NOSTRIN: variants seen among roughly 807,000 people sequenced by gnomAD.
The protein encoded by NOSTRIN is BM247 homolog.
A neutral mutation model predicts 59.0 loss-of-function variants in NOSTRIN; 63 were observed. The ratio of observed to expected loss-of-function variants is 1.07; its 90% confidence interval spans 0.87 to 1.32. The LOEUF is 1.32. NOSTRIN is among the 40% of genes most tolerant of loss of function. The probability of loss-of-function intolerance (pLI) is 0.00; values close to 1 mark genes in which losing one functional copy is unlikely to be tolerated. For synonymous variants in NOSTRIN, 200 were observed against 165.4 expected (o/e 1.21, Z -1.61); for missense variants, 512 against 473.1 (o/e 1.08, Z -0.76).
chr2:168,848,806 T>C (rs62175726), intron 8 of NOSTRIN, among the ~76,000 whole-genome samples: 18,434 of 152,024 alleles, frequency 0.12, 2,296 homozygotes, highest in African/African-American at 0.32. Context: ...GAGAAGTCGT[T>C]GTTTCATGGG....
At chr2:168,853,312 T>G (rs377604945) in intron 10 of NOSTRIN, among the ~76,000 whole-genome samples, 8 of 152,234 alleles carry the variant, frequency 5.3e-5, no homozygotes, top group African/African-American at 1.9e-4. Context: ...GAAATTTACA[T>G]GGACCAGGGA....
intron 2 of NOSTRIN, among the ~76,000 whole-genome samples, chr2:168,791,127 T>A (rs1050964251): frequency 6.6e-6 from 1 of 152,320 alleles, no homozygotes; most frequent in East Asian, 1.9e-4. Flanking sequence ...TATCTCCTAA[T>A]GCTATCCCTC....
chr2:168,803,365 A>G (rs2105517000), intron 1 of NOSTRIN, among the ~76,000 whole-genome samples: 1 of 152,318 alleles, frequency 6.6e-6, no homozygotes, highest in East Asian at 1.9e-4. Flanking sequence ...AAAATAAAGT[A>G]ATTAAGGAGG....
intron 1 of NOSTRIN, among the ~76,000 whole-genome samples, chr2:168,804,356 C>A (rs996264772): frequency 6.6e-6 from 1 of 152,110 alleles, no homozygotes; most frequent in Admixed American, 6.6e-5. Context: ...CAAAAGTATC[C>A]GGGAGTCATG....
chr2:168,831,998 C>T (rs1372941295), intron 6 of NOSTRIN, among the ~76,000 whole-genome samples: 1 of 152,120 alleles, frequency 6.6e-6, no homozygotes, highest in Non-Finnish European at 1.5e-5. Context: ...ATATGATAAA[C>T]ACCACCTGGG....
chr2:168,851,183 G>T lies in NOSTRIN; in HGVS notation c.729+1G>T, dbSNP rs1317642830. On this transcript the variant is annotated splice_donor_variant, in intron 9 of 15. Transcript: ENST00000317647. LOFTEE classifies it high-confidence loss of function. ...TCTTTTTGGCCAAACCCTGACCACA[G>T]TGAGTAGAGATGATCTCTCCATTTC... 1.9e-6 allele frequency: 3 copies of T among 1,614,166 alleles called. No individual in the cohort carries two copies. The highest frequency in any genetic ancestry group is 2.5e-6 in the Non-Finnish European group (3 of 1,179,980).
chr2:168,838,789 CTTTT>C (rs71003059), intron 7 of NOSTRIN, among the ~76,000 whole-genome samples: 1 of 136,292 alleles, frequency 7.3e-6, no homozygotes, highest in Non-Finnish European at 1.5e-5. Context: ...AAAAAAAACT[CTTTT>C]TTTTTTTTTT....
intron 6 of NOSTRIN, among the ~76,000 whole-genome samples, chr2:168,832,105 G>A (rs1389328308): frequency 2.6e-5 from 4 of 152,184 alleles, no homozygotes; most frequent in African/African-American, 7.2e-5. Context: ...AAAAGGGGAT[G>A]CGTATATCAA....
intron 7 of NOSTRIN, among the ~76,000 whole-genome samples, chr2:168,842,061 G>C (rs994301745): frequency 6.6e-6 from 1 of 152,158 alleles, no homozygotes. Flanking sequence ...AGACAAGGTA[G>C]GTCAGATAAT....
chr2:168,835,954 T>C (rs1574299864), intron 7 of NOSTRIN, among the ~76,000 whole-genome samples: 1 of 152,318 alleles, frequency 6.6e-6, no homozygotes, highest in African/African-American at 2.4e-5. Flanking sequence ...ACCTTTGAAA[T>C]AGTCGATATC....
At chr2:168,861,078 A>G (rs1689416242) in intron 14 of NOSTRIN, among the ~76,000 whole-genome samples, 169 bp downstream of exon 14, 1 of 152,228 alleles carries the variant, frequency 6.6e-6, no homozygotes, top group Admixed American at 6.5e-5. Context: ...TAAAAATGGG[A>G]AAAAGTTAAG....
In NOSTRIN at chr2:168,841,235, CAAAAAAAAAAAA is replaced by C. The variant is rs57480764; in HGVS notation, c.505-1742_505-1731del. On this transcript the variant is annotated intron_variant, in intron 7 of 15. Transcript: ENST00000317647. ...GGGTGACAGAGCCAGACCCTGTCTC[CAAAAAAAAAAAA>C]AAAAAAAAAAAAAAGAAAAGAAAAA... Among the ~76,000 whole-genome samples, 485 of 106,568 alleles carry C rather than the reference CAAAAAAAAAAAA, an allele frequency of 4.6e-3. 5 individuals carry two copies. The highest frequency in any genetic ancestry group is 0.011 in the African/African-American group (313 of 28,542). The allele number at this position is 106,568 out of a possible 152,430, so 69.9% of individuals were successfully genotyped here. A position where few individuals can be genotyped will look rare whatever the true frequency, so the allele number is the denominator to read the frequency against.
intron 2 of NOSTRIN, among the ~76,000 whole-genome samples, chr2:168,812,389 T>C (rs938127390): frequency 5.9e-5 from 9 of 152,202 alleles, no homozygotes; most frequent in Non-Finnish European, 1.3e-4. Flanking sequence ...CATGGATTGG[T>C]TGCATCCTGA....
At chr2:168,840,529 C>CAAAAAAAA (rs59235003) in intron 7 of NOSTRIN, among the ~76,000 whole-genome samples, 244 of 99,182 alleles carry the variant, frequency 2.5e-3, no homozygotes, top group Middle Eastern at 7.6e-3. Flanking sequence ...GACTCCATCT[C>CAAAAAAAA]AAAAAAAAAA....
chr2:168,792,689 C>T (rs569530759), intron 2 of NOSTRIN, among the ~76,000 whole-genome samples: 2 of 152,158 alleles, frequency 1.3e-5, no homozygotes, highest in South Asian at 2.1e-4. Flanking sequence ...CCATGTTGCT[C>T]AGGCTAGTCT....
rs144610736 is a variant in NOSTRIN at position 168,805,826 on chromosome 2, T to C, written c.27+3153T>C. Among the ~76,000 whole-genome samples, 132 of 152,284 alleles carry C rather than the reference T, an allele frequency of 8.7e-4. No individual in the cohort carries two copies. The Middle Eastern group carries it at 0.014, about 16-fold the overall frequency. On this transcript the variant is annotated intron_variant, in intron 1 of 15. Transcript: ENST00000317647. Reference sequence around the variant, plus strand: ...AACTCAGATGGTGCCGGTGCCATGGTCCGTAGCTCCTAGGAGAATCTGACT... The same window carrying C: ...AACTCAGATGGTGCCGGTGCCATGGCCCGTAGCTCCTAGGAGAATCTGACT...
chr2:168,854,681 G>A (rs574654845), intron 10 of NOSTRIN, among the ~76,000 whole-genome samples: 17 of 152,004 alleles, frequency 1.1e-4, no homozygotes, highest in Middle Eastern at 3.4e-3. Context: ...CTTTGCTCCC[G>A]CCATTTTTCC....
intron 10 of NOSTRIN, among the ~76,000 whole-genome samples, chr2:168,854,746 C>G (rs963679098): frequency 2.0e-5 from 3 of 152,120 alleles, no homozygotes; most frequent in Non-Finnish European, 2.9e-5. Context: ...GTCTTCTTGC[C>G]TCCTCGAAGC....
chr2:168,807,186 A>T (rs147149627), intron 1 of NOSTRIN, among the ~76,000 whole-genome samples: 55 of 152,242 alleles, frequency 3.6e-4, no homozygotes, highest in Non-Finnish European at 7.2e-4. Flanking sequence ...TAGGAGTGAG[A>T]CAACCAAAAC....
Sources: gnomAD v4.1 joint callset for allele counts (sites outside exome capture counted in the v4.1 genomes callset) on GRCh38, gnomAD v4.1.1 for gene constraint, MANE v1.5 for transcripts, NCBI Gene and HGNC (gene_info 2026-07-23, HGNC 2026-07-21) for gene names.